Variants in KRT10 observed in about 807,000 individuals in gnomAD.
The protein encoded by KRT10 is keratin 10, also known as keratin, type I cytoskeletal 10.
Under a neutral mutation model 59.2 loss-of-function variants are expected in KRT10, and 40 were observed. The observed-to-expected ratio is 0.68, with a 90% CI of 0.52 to 0.88. The LOEUF (loss-of-function observed/expected upper bound fraction) is 0.88, where lower values mean the gene tolerates loss of function less well. KRT10 is among the 40% of genes least tolerant of loss of function. The pLI, the probability that KRT10 is intolerant of heterozygous loss-of-function variation, is 0.00. For missense variants in KRT10, 719 were observed against 749.1 expected (o/e 0.96, Z 0.47); for synonymous variants, 336 against 310.7 (o/e 1.08, Z -0.86).
Position 40,819,666 on chromosome 17 carries a change from C to T in KRT10, c.1224G>A (p.Gln408=). ...GRYCVQLSQI[Q]AQISALEEQL... is the part of the protein sequence containing the mutation. ...GTTCTTCCAGAGCGGATATCTGGGC[C>T]TGAATCTGTGAGAGCTGCACACAGT... Residue 408 remains glutamine (Q), a synonymous_variant, in exon 6 of 8, where the codon CAG becomes CAA. Coordinates refer to ENST00000269576, the MANE Select transcript of KRT10 (RefSeq NM_000421.5). The T allele has an allele frequency of 6.2e-7, 1 of 1,614,176 alleles. No individual in the cohort carries two copies. The highest frequency in any genetic ancestry group is 8.5e-7 in the Non-Finnish European group (1 of 1,180,044).
intron 5 of KRT10, 91 bp from the exon 6 acceptor site, chr17:40,819,825 A>G: frequency 8.1e-7 from 1 of 1,231,892 alleles, no homozygotes; most frequent in Non-Finnish European, 1.2e-6. Flanking sequence ...ATTATATAGA[A>G]GAATAAGAAA....
chr17:40,818,508 T>A, intron 7 of KRT10, 26 bp from the exon 8 acceptor site: 1 of 1,467,036 alleles, frequency 6.8e-7, no homozygotes, highest in Non-Finnish European at 9.6e-7. Context: ...AAAAAAAATT[T>A]TAAACAGTCT....
chr17:40,820,704 A>G, intron 2 of KRT10, 37 bp from the exon 3 acceptor site: 1 of 1,609,382 alleles, frequency 6.2e-7, no homozygotes, highest in Non-Finnish European at 8.5e-7. Context: ...GTTATAACTT[A>G]TATAGGGGAG....
In KRT10 at chr17:40,820,547, A is replaced by G; in HGVS notation, c.831T>C (p.Thr277=). ...ADLEMQIESL[T]EELAYLKKNH... is the part of the protein sequence containing the mutation. Reference sequence around the variant, plus strand: ...TCTTCTTCAGATAGGCCAGCTCTTCAGTCAGGCTCTCAATTTGCATCTCCA... The same window carrying G: ...TCTTCTTCAGATAGGCCAGCTCTTCGGTCAGGCTCTCAATTTGCATCTCCA... The change falls in exon 3 of 8, where the codon ACT becomes ACC. Residue 277 remains threonine (T), a synonymous_variant. Transcript: ENST00000269576. 6.2e-7 allele frequency: 1 copy of G among 1,614,234 alleles called. No individual in the cohort carries two copies. The highest frequency in any genetic ancestry group is 8.5e-7 in the Non-Finnish European group (1 of 1,180,042).
Position 40,818,902 on chromosome 17 carries a change from CG to C in KRT10, c.1632del (p.Gly545AlafsTer74), listed in dbSNP as rs1905184676. 1.4e-6 allele frequency: 2 copies of C among 1,428,838 alleles called. No individual in the cohort carries two copies. The highest frequency in any genetic ancestry group is 9.2e-7 in the Non-Finnish European group (1 of 1,081,674). The allele number at this position is 1,428,838 out of a possible 1,614,324, so 88.5% of individuals were successfully genotyped here. A position where few individuals can be genotyped will look rare whatever the true frequency, so the allele number is the denominator to read the frequency against. ...SSGGGGGGYG[G>X]GSSGGGSSSG... ...GAGCTGCTGCCGCCGCCGGAGCTGC[CG>C]CCCCCGTAGCCGCCGCCGCCGCCGC... On this transcript the variant is annotated frameshift_variant, in exon 7 of 8. Coordinates refer to ENST00000269576, the MANE Select transcript of KRT10 (RefSeq NM_000421.5). LOFTEE classifies it high-confidence loss of function.
intron 5 of KRT10, 52 bp downstream of exon 5, chr17:40,819,997 G>A (rs1233968506): frequency 6.2e-7 from 1 of 1,604,210 alleles, no homozygotes; most frequent in Admixed American, 1.7e-5. Flanking sequence ...TCTTAGGTGA[G>A]CATGAAACTT....
chr17:40,819,424 C>T, intron 6 of KRT10, 93 bp downstream of exon 6: 1 of 1,341,928 alleles, frequency 7.5e-7, no homozygotes, highest in Non-Finnish European at 1.1e-6. Flanking sequence ...CCCTTCCTCT[C>T]ATTCTCTGGC....
chr17:40,821,395 T>C (rs1206800657), intron 1 of KRT10, among the ~76,000 whole-genome samples: 1 of 152,216 alleles, frequency 6.6e-6, no homozygotes, highest in Non-Finnish European at 1.5e-5. Context: ...TGCCCTCCTC[T>C]TTTAGACTAT....
chr17:40,819,953 C>G (rs139270955), intron 5 of KRT10, 96 bp downstream of exon 5: 2 of 1,461,082 alleles, frequency 1.4e-6, no homozygotes, highest in Non-Finnish European at 1.9e-6. Context: ...TCTTTCTTAC[C>G]TCCAACTCTG....
Position 40,819,164 on chromosome 17 carries a change from A to C in KRT10, c.1374-3T>G. ...CGCCGCGTCCGCCGCCTCCGGAACTAAACGGGGTGAGGTCACATTCGGTTA... is the reference window on the plus strand; with the variant it reads ...CGCCGCGTCCGCCGCCTCCGGAACTCAACGGGGTGAGGTCACATTCGGTTA... On this transcript the variant is annotated splice_polypyrimidine_tract_variant and splice_region_variant and intron_variant, in intron 6 of 7. Transcript: ENST00000269576. 1 of 1,574,664 alleles carries C rather than the reference A, an allele frequency of 6.4e-7. No homozygotes were observed. The highest frequency in any genetic ancestry group is 8.5e-7 in the Non-Finnish European group (1 of 1,169,610).
Position 40,821,140 on chromosome 17 carries a change from T to C in KRT10, c.628-23A>G, listed in dbSNP as rs199745005. On this transcript the variant is annotated intron_variant, in intron 1 of 7. Coordinates refer to ENST00000269576, the MANE Select transcript of KRT10 (RefSeq NM_000421.5). The stretch of plus-strand genomic sequence containing the variant: ...AATCTGGAGGGAGAGGCACAGTTAT[T>C]TGAGAAGAGGTCAGATGCAGATATG... The C allele has an allele frequency of 6.4e-6, 10 of 1,558,656 alleles. No individual in the cohort carries two copies. In the Admixed American group the frequency reaches 1.5e-4, roughly 23 times the overall value.
intron 7 of KRT10, 117 bp from the exon 8 acceptor site, chr17:40,818,599 G>T: frequency 7.9e-7 from 1 of 1,260,592 alleles, no homozygotes; most frequent in Non-Finnish European, 1.1e-6. Flanking sequence ...CCAAAAAAAT[G>T]CTTAAGGTAT....
At position 40,820,556 on chromosome 17, in the gene KRT10, C is replaced by G; in HGVS notation, c.822G>C (p.Glu274Asp). The change falls in exon 3 of 8, where the codon GAG (glutamate) becomes GAC (aspartate). Residue 274 changes from glutamate to aspartate, a missense_variant. Around this residue, in one of 4 missense-constraint regions of KRT10, gnomAD observed 221 missense variants for 277.8 expected, o/e 0.80. Transcript: ENST00000269576. ...GATAGGCCAGCTCTTCAGTCAGGCT[C>G]TCAATTTGCATCTCCAGGTCAGCCT... is the stretch of plus-strand genomic sequence containing the variant. The part of the protein sequence containing the change: ...LTKADLEMQI[E>D]SLTEELAYLK... 6.2e-7 allele frequency: 1 copy of G among 1,614,222 alleles called. No homozygotes were observed. The highest frequency in any genetic ancestry group is 8.5e-7 in the Non-Finnish European group (1 of 1,180,050).
rs760989177 is a variant in KRT10 at position 40,819,028 on chromosome 17, T to C, written c.1507A>G (p.Ser503Gly). 8 of 1,341,584 alleles carry C rather than the reference T, an allele frequency of 6.0e-6. No individual in the cohort carries two copies. Among genetic ancestry groups the C allele is most frequent in the South Asian group, 3.1e-5 (2 of 64,010 alleles). The allele number at this position is 1,341,584 out of a possible 1,614,324, so 83.1% of individuals were successfully genotyped here. ...GSSGGGYGGG[S>G]SGGGSSGGGY... The stretch of plus-strand genomic sequence containing the variant: ...CCGCCGGAGCTTCCGCCGCCGGAGC[T>C]TCCGCCTCCGTAGCCGCCGCCGGAA... The change falls in exon 7 of 8, where the codon AGC becomes GGC. Residue 503 changes from serine (S) to glycine (G), a missense_variant. By Grantham distance (56) the Ser-to-Gly change is moderately conservative. Transcript: ENST00000269576.
rs772258628 is a variant in KRT10, at chr17:40,819,118, A to AGCCGCCGCCGAAACTTCC, written c.1399_1416dup (p.Gly467_Gly472dup). On this transcript the variant is annotated inframe_insertion, in exon 7 of 8. Coordinates refer to ENST00000269576, the MANE Select transcript of KRT10 (RefSeq NM_000421.5). ...CCGCCGCCGGAGCTTCCGCCGCCGT[A>AGCCGCCGCCGAAACTTCC]GCCGCCGCCGAAACTTCCGCCGCCG... The AGCCGCCGCCGAAACTTCC allele has an allele frequency of 1.4e-5, 22 of 1,520,430 alleles. No homozygotes were observed. The highest frequency in any genetic ancestry group is 2.9e-5 in the African/African-American group (2 of 69,006). The allele number at this position is 1,520,430 out of a possible 1,614,324, so 94.2% of individuals were successfully genotyped here.
In KRT10 at chr17:40,822,336, T is replaced by C. The variant is rs1174008254; in HGVS notation, c.250A>G (p.Ser84Gly). ...YGGLGGFGGGSFRGSYGSSSF... is the reference protein window; with the variant it reads ...YGGLGGFGGGGFRGSYGSSSF... ...CTACTTCCATAGCTTCCACGAAAGC[T>C]ACCTCCACCAAAACCTCCTAATCCT... Residue 84 changes from serine to glycine, a missense_variant, in exon 1 of 8, where the codon AGC becomes GGC. Ser to Gly is a moderately conservative substitution (Grantham distance 56). Around this residue, in one of 4 missense-constraint regions of KRT10, gnomAD observed 176 missense variants for 175.7 expected, o/e 1.00. Transcript: ENST00000269576. 4 of 1,595,498 alleles carry C rather than the reference T, an allele frequency of 2.5e-6. No homozygotes were observed. Among genetic ancestry groups the C allele is most frequent in the Middle Eastern group, 1.7e-4 (1 of 5,958 alleles).
intron 2 of KRT10, 73 bp downstream of exon 2, chr17:40,820,962 G>T: frequency 8.6e-7 from 1 of 1,158,518 alleles, no homozygotes; most frequent in Non-Finnish European, 1.3e-6. Context: ...GTTATTGAGG[G>T]CATCCCAAGT....
At position 40,818,770 on chromosome 17, in the gene KRT10, A is replaced by T; in HGVS notation, c.1748+17T>A. 6.3e-7 allele frequency: 1 copy of T among 1,597,074 alleles called. No individual in the cohort carries two copies. Among genetic ancestry groups the T allele is most frequent in the South Asian group, 1.1e-5 (1 of 91,042 alleles). ...AGTTAAAACTAATTCTGATTACCCC[A>T]GCTAGTTTCTGCTGACCTTGGTCCC... On this transcript the variant is annotated intron_variant, in intron 7 of 7. Coordinates refer to ENST00000269576, the MANE Select transcript of KRT10 (RefSeq NM_000421.5).
At chr17:40,819,822 A>G in intron 5 of KRT10, 88 bp from the exon 6 acceptor site, 1 of 1,229,216 alleles carries the variant, frequency 8.1e-7, no homozygotes, top group Non-Finnish European at 1.2e-6. Flanking sequence ...GGCATTATAT[A>G]GAAGAATAAG....
Sources: allele counts gnomAD v4.1 joint callset (sites outside exome capture counted in the v4.1 genomes callset), GRCh38; gene constraint gnomAD v4.1.1; regional missense constraint gnomAD v4.1.1; transcripts MANE v1.5; gene names NCBI Gene and HGNC (gene_info 2026-07-23, HGNC 2026-07-21).